The following SYT16 variants were observed in gnomAD, a reference collection of about 807,000 sequenced individuals.
The protein encoded by SYT16 is synaptotagmin 16.
In SYT16, 42 loss-of-function variants were observed where a neutral mutation model predicts 61.4. The observed-to-expected ratio is 0.68, with a 90% confidence interval of 0.53 to 0.89. SYT16 has a LOEUF of 0.89. Ranked by LOEUF, SYT16 falls within the 40% of genes least tolerant of loss-of-function variation. The pLI, the probability that SYT16 is intolerant of heterozygous loss-of-function variation, is 0.00. For synonymous variants in SYT16, 314 were observed against 302.3 expected, an observed-to-expected ratio of 1.04 and a Z score of -0.40; for missense variants, 804 against 807.3, an observed-to-expected ratio of 1.00 and a Z score of 0.05.
intron 3 of SYT16, among the ~76,000 whole-genome samples, chr14:62,061,757 C>CA (rs2093566455): frequency 6.6e-6 from 1 of 151,922 alleles, no homozygotes; most frequent in African/African-American, 2.4e-5. Flanking sequence ...GAAGACGTAA[C>CA]AAACTAAAAG....
At chr14:61,918,251 C>T (rs2049194003) in intron 1 of SYT16, among the ~76,000 whole-genome samples, 1 of 152,098 alleles carries the variant, frequency 6.6e-6, no homozygotes, top group African/African-American at 2.4e-5. Flanking sequence ...TCTCATTATC[C>T]AGTGTCCTGA....
chr14:61,987,560 T>C (rs2052366033), intron 2 of SYT16, among the ~76,000 whole-genome samples: 1 of 152,232 alleles, frequency 6.6e-6, no homozygotes, highest in African/African-American at 2.4e-5. Context: ...TTTAGAGTTA[T>C]TTAGATGAAA....
At chr14:61,990,860 T>C (rs570718161) in intron 2 of SYT16, among the ~76,000 whole-genome samples, 2 of 152,286 alleles carry the variant, frequency 1.3e-5, no homozygotes, top group South Asian at 4.1e-4. Flanking sequence ...AATCAAAATA[T>C]TTGATAAAAC....
At chr14:62,024,205 A>C (rs962204318) in intron 3 of SYT16, among the ~76,000 whole-genome samples, 1 of 152,120 alleles carries the variant, frequency 6.6e-6, no homozygotes, top group Non-Finnish European at 1.5e-5. Context: ...GAAGTCGTGC[A>C]AAATAGCTAG....
Position 62,025,950 on chromosome 14 carries a change from T to G in SYT16, c.523+29408T>G, listed in dbSNP as rs577694141. 7.3e-4 allele frequency among the ~76,000 whole-genome samples: 111 copies of G among 152,350 alleles called. 6 individuals carry two copies. The South Asian group carries it at 0.023, about 32-fold the overall frequency. On this transcript the variant is annotated intron_variant, in intron 3 of 7. Transcript: ENST00000683842. Reference sequence around the variant, plus strand: ...GGATCAAATGATACATATTAATTGCTAATATTAAACTATTCTTGAATTCTT... The same window carrying G: ...GGATCAAATGATACATATTAATTGCGAATATTAAACTATTCTTGAATTCTT...
At chr14:62,059,703 C>T (rs1426219095) in intron 3 of SYT16, among the ~76,000 whole-genome samples, 2 of 121,492 alleles carry the variant, frequency 1.6e-5, no homozygotes, top group African/African-American at 9.5e-5. Flanking sequence ...TATATATATA[C>T]ATATAATTTT....
chr14:62,081,161 C>T lies in SYT16; in HGVS notation c.1321C>T (p.Arg441Trp), dbSNP rs201514000. 2.4e-4 allele frequency: 394 copies of T among 1,613,880 alleles called. 4 individuals are homozygous for T. The South Asian group carries it at 3.8e-3, about 16-fold the overall frequency. The change falls in exon 6 of 8, where the codon CGG becomes TGG. Residue 441 changes from arginine to tryptophan, a missense_variant. Transcript: ENST00000683842. ...CAVRFRLYAA[R>W]KMTRERMMGE... ...TGTCCGCTTCCGCCTGTACGCTGCC[C>T]GGAAGATGACCCGAGAGAGAATGAT...
chr14:62,043,460 T>A (rs758495474), intron 3 of SYT16, among the ~76,000 whole-genome samples: 8 of 146,778 alleles, frequency 5.5e-5, no homozygotes, highest in Non-Finnish European at 1.0e-4. Context: ...CAGGCTGGAG[T>A]GCAGTGGTGT....
At chr14:61,870,905 C>T (rs549970842) in intron 1 of SYT16, among the ~76,000 whole-genome samples, 2 of 152,216 alleles carry the variant, frequency 1.3e-5, no homozygotes, top group African/African-American at 2.4e-5. Flanking sequence ...ATTACTGGGT[C>T]TGTTTCTAGT....
intron 3 of SYT16, among the ~76,000 whole-genome samples, chr14:62,018,892 C>T (rs1057308955): frequency 2.0e-5 from 3 of 152,172 alleles, no homozygotes; most frequent in African/African-American, 4.8e-5. Flanking sequence ...TGAGGGCAGG[C>T]GTTTCCATCC....
intron 1 of SYT16, among the ~76,000 whole-genome samples, chr14:61,855,756 A>AT (rs2046754652): frequency 6.6e-6 from 1 of 152,224 alleles, no homozygotes; most frequent in Non-Finnish European, 1.5e-5. Flanking sequence ...AGTGGTAATT[A>AT]TGTTGTTATT....
At position 61,976,375 on chromosome 14, in the gene SYT16, G is replaced by A. The variant is rs959910590; in HGVS notation, c.-145+6064G>A. ...GATTATTAAGTAGTGCCCCAGTGGG[G>A]ACCCTGTGTGGGGGCTTCCATCCCA... On this transcript the variant is annotated intron_variant, in intron 2 of 7. Coordinates refer to ENST00000683842, the MANE Select transcript of SYT16 (RefSeq NM_001367656.1). Among the ~76,000 whole-genome samples the A allele has an allele frequency of 5.8e-4, 89 of 152,326 alleles. 1 individual carries two copies. The highest frequency in any genetic ancestry group is 4.2e-3 in the Admixed American group (65 of 15,300).
At chr14:61,969,155 A>C (rs2051439658) in intron 1 of SYT16, among the ~76,000 whole-genome samples, 2 of 152,202 alleles carry the variant, frequency 1.3e-5, no homozygotes, top group African/African-American at 4.8e-5. Context: ...CATATATTAA[A>C]CCTGCCCACT....
chr14:62,011,867 C>CTA (rs66974255), intron 3 of SYT16, among the ~76,000 whole-genome samples: 1 of 61,576 alleles, frequency 1.6e-5, no homozygotes, highest in African/African-American at 5.5e-5. Context: ...TCAGGGAACA[C>CTA]TATATATACA....
intron 1 of SYT16, among the ~76,000 whole-genome samples, chr14:61,921,296 G>T (rs892299165): frequency 4.6e-5 from 7 of 152,094 alleles, no homozygotes; most frequent in Admixed American, 2.6e-4. Context: ...CCTGCCCGGG[G>T]TGTCACTTTG....
chr14:61,959,356 T>A (rs1449264388), intron 1 of SYT16, among the ~76,000 whole-genome samples: 2 of 152,170 alleles, frequency 1.3e-5, no homozygotes, highest in Non-Finnish European at 2.9e-5. Flanking sequence ...TTAGTGTCTT[T>A]CTTTGTGTTT....
intron 1 of SYT16, among the ~76,000 whole-genome samples, chr14:61,966,045 G>A (rs1371194183): frequency 1.3e-5 from 2 of 151,236 alleles, no homozygotes; most frequent in Non-Finnish European, 3.0e-5. Context: ...AGGTAATGGA[G>A]CAATGTCTGT....
At chr14:62,064,538 A>G (rs149532270) in intron 3 of SYT16, among the ~76,000 whole-genome samples, 54 of 152,200 alleles carry the variant, frequency 3.5e-4, no homozygotes, top group Admixed American at 3.3e-4. Context: ...CCAGCCCAAT[A>G]TATGTGATTT....
intron 1 of SYT16, among the ~76,000 whole-genome samples, chr14:61,876,253 T>C (rs946271237): frequency 6.6e-6 from 1 of 152,256 alleles, no homozygotes; most frequent in Non-Finnish European, 1.5e-5. Flanking sequence ...TACCGATACT[T>C]GTTTCAGGTT....
Sources: allele counts gnomAD v4.1 joint callset (sites outside exome capture counted in the v4.1 genomes callset), GRCh38; gene constraint gnomAD v4.1.1; transcripts MANE v1.5; gene names NCBI Gene and HGNC (gene_info 2026-07-23, HGNC 2026-07-21).